Variants in FSIP2 observed in about 807,000 individuals in gnomAD.
The protein encoded by FSIP2 is fibrous sheath interacting protein 2.
A neutral mutation model predicts 510.5 loss-of-function variants in FSIP2; 367 were observed. That is an observed-to-expected ratio of 0.72 (90% CI 0.66 to 0.78). FSIP2 has a LOEUF of 0.78. Among genes scored for constraint, FSIP2 ranks in the 30% least tolerant of loss-of-function variants. FSIP2 has a pLI of 0.00. For synonymous variants in FSIP2, 2,601 were observed against 2,732.2 expected (o/e 0.95, Z 1.50); for missense variants, 7,594 against 7,901.7 (o/e 0.96, Z 1.48).
intron 14 of FSIP2, among the ~76,000 whole-genome samples, chr2:185,785,409 A>G (rs1559023415): frequency 6.6e-6 from 1 of 152,048 alleles, no homozygotes; most frequent in Non-Finnish European, 1.5e-5. Context: ...CTATTTCTCA[A>G]AATTGAATTA....
intron 17 of FSIP2, among the ~76,000 whole-genome samples, chr2:185,810,062 G>C (rs541544689): frequency 5.9e-5 from 9 of 152,132 alleles, no homozygotes; most frequent in Non-Finnish European, 1.3e-4. Flanking sequence ...AATTAGCAAA[G>C]TTTTATAGAA....
At position 185,794,746 on chromosome 2, in the gene FSIP2, G is replaced by A. The variant is rs1693227826; in HGVS notation, c.7610G>A (p.Ser2537Asn). ...QKNSFQSHIN[S>N]VANDIVESVL... ...AACAGTTTTCAATCACATATTAACA[G>A]TGTAGCAAATGACATAGTTGAAAGT... Residue 2537 changes from serine (S) to asparagine (N), a missense_variant, in exon 16 of 23, where the codon AGT becomes AAT. Physicochemically the swap from Ser to Asn is conservative, Grantham distance 46. Transcript: ENST00000424728. 1 of 1,534,002 alleles carries A rather than the reference G, an allele frequency of 6.5e-7. No individual in the cohort carries two copies. The highest frequency in any genetic ancestry group is 8.7e-7 in the Non-Finnish European group (1 of 1,145,442).
Position 185,801,205 on chromosome 2 carries a change from T to C in FSIP2, c.11899T>C (p.Tyr3967His), listed in dbSNP as rs1238007837. Residue 3967 changes from tyrosine to histidine, a missense_variant, in exon 17 of 23, where the codon TAT becomes CAT. Transcript: ENST00000424728. ...TAATAAGCTACATCAGGAAGGTATA[T>C]ATGCTGGTGTTTATTCAGCCACATT... ...IHNKLHQEGI[Y>H]AGVYSATFLE... 3.9e-6 allele frequency: 6 copies of C among 1,534,154 alleles called. No individual in the cohort carries two copies. Among genetic ancestry groups the C allele is most frequent in the South Asian group, 3.6e-5 (3 of 84,030 alleles).
intron 11 of FSIP2, 24 bp from the exon 12 acceptor site, chr2:185,763,159 T>A: frequency 9.8e-7 from 1 of 1,019,076 alleles, no homozygotes. Context: ...TTCTCATATT[T>A]AAAGTTATCT....
Position 185,792,295 on chromosome 2 carries a change from G to A in FSIP2, c.5159G>A (p.Gly1720Glu). The A allele has an allele frequency of 3.3e-6, 5 of 1,531,348 alleles. No homozygotes were observed. The highest frequency in any genetic ancestry group is 2.4e-5 in the East Asian group (1 of 40,818). The allele number at this position is 1,531,348 out of a possible 1,614,324, so 94.9% of individuals were successfully genotyped here. A position where few individuals can be genotyped will look rare whatever the true frequency, so the allele number is the denominator to read the frequency against. ...YRPTYGSLPG[G>E]AESDSFLEDD... is the part of the protein sequence containing the mutation. ...CCAACATATGGAAGTCTTCCTGGAG[G>A]AGCTGAATCAGATTCATTTCTAGAA... Residue 1720 changes from glycine to glutamate, a missense_variant, in exon 16 of 23, where the codon GGA becomes GAA. Transcript: ENST00000424728.
chr2:185,794,312 T>G lies in FSIP2; in HGVS notation c.7176T>G (p.Ile2392Met). The change falls in exon 16 of 23, where the codon ATT becomes ATG. Residue 2392 changes from isoleucine (I) to methionine (M), a missense_variant. By Grantham distance (10) the Ile-to-Met change is conservative (BLOSUM62 1). Transcript: ENST00000424728. ...LFQENIIVSE[I>M]VDSMLKMLDD... ...AAGAAAACATCATTGTGAGTGAAAT[T>G]GTTGACAGTATGTTAAAGATGTTAG... 2 of 1,523,414 alleles carry G rather than the reference T, an allele frequency of 1.3e-6. No homozygotes were observed. The highest frequency in any genetic ancestry group is 1.8e-6 in the Non-Finnish European group (2 of 1,140,548). 94.4% of individuals were successfully genotyped at this position (1,523,414 alleles called of 1,614,324 possible). A position where few individuals can be genotyped will look rare whatever the true frequency, so the allele number is the denominator to read the frequency against.
At chr2:185,755,137 C>G (rs191977590) in intron 8 of FSIP2, among the ~76,000 whole-genome samples, 78 of 151,572 alleles carry the variant, frequency 5.1e-4, no homozygotes, top group African/African-American at 1.8e-3. Flanking sequence ...TGTTGATAAC[C>G]CTAACTGGAA....
rs1693587543 is a variant in FSIP2, at chr2:185,806,633, A to C, written c.17327A>C (p.Glu5776Ala). 1.2e-6 allele frequency: 2 copies of C among 1,606,740 alleles called. No individual in the cohort carries two copies. The highest frequency in any genetic ancestry group is 1.7e-6 in the Non-Finnish European group (2 of 1,177,508). ...CCAGATGATCCTCAAAACCAACGAG[A>C]AAGTAAACCTGGAATTTTTCCCGCT... ...SKPDDPQNQR[E>A]SKPGIFPAKF... The change falls in exon 17 of 23, where the codon GAA (glutamate) becomes GCA (alanine). Residue 5776 changes from glutamate to alanine, a missense_variant. Glu to Ala is a moderately radical substitution (Grantham distance 107). Coordinates refer to ENST00000424728, the MANE Select transcript of FSIP2 (RefSeq NM_173651.4).
Position 185,788,658 on chromosome 2 carries a change from C to G in FSIP2, c.1522C>G (p.Leu508Val), listed in dbSNP as rs547550108. The stretch of plus-strand genomic sequence containing the variant: ...TCCTTTCCAGGTAACTTCTGAAGAA[C>G]TGAATATTATAATTCAGAATGTAAT... The part of the protein sequence containing the change: ...CLQEKVTSEE[L>V]NIIIQNVMTW... Residue 508 changes from leucine (L) to valine (V), a missense_variant, in exon 16 of 23, where the codon CTG becomes GTG. Leu to Val is a conservative substitution (Grantham distance 32, BLOSUM62 1). Coordinates refer to ENST00000424728, the MANE Select transcript of FSIP2 (RefSeq NM_173651.4). 1.3e-6 allele frequency: 2 copies of G among 1,504,656 alleles called. No homozygotes were observed. 93.2% of individuals were successfully genotyped at this position (1,504,656 alleles called of 1,614,324 possible). A position where few individuals can be genotyped will look rare whatever the true frequency, so the allele number is the denominator to read the frequency against.
chr2:185,786,107 G>GA (rs955409935), intron 14 of FSIP2, 145 bp from the exon 15 acceptor site: 37 of 594,334 alleles, frequency 6.2e-5, no homozygotes, highest in Non-Finnish European at 9.7e-5. Context: ...AGGGGGGTTG[G>GA]AAAAAACAGT....
rs768481887 is a variant in FSIP2, at chr2:185,807,565, T to C, written c.18259T>C (p.Ser6087Pro). 31 of 1,612,226 alleles carry C rather than the reference T, an allele frequency of 1.9e-5. No individual in the cohort carries two copies. Among genetic ancestry groups the C allele is most frequent in the Non-Finnish European group, 2.6e-5 (31 of 1,179,004 alleles). ...DDEIIQLVVQ[S>P]VYNNLLPQFG... ...TGAAATTATTCAATTAGTGGTTCAG[T>C]CTGTTTATAATAATCTCTTGCCACA... is the stretch of plus-strand genomic sequence containing the variant. Residue 6087 changes from serine (S) to proline (P), a missense_variant, in exon 17 of 23, where the codon TCT becomes CCT. Coordinates refer to ENST00000424728, the MANE Select transcript of FSIP2 (RefSeq NM_173651.4).
Position 185,792,893 on chromosome 2 carries a change from T to C in FSIP2, c.5757T>C (p.Asp1919=). Reference sequence around the variant, plus strand: ...AGACAAAGGTAAATCTAGCTGAAGATATTGTACAGGCAATATTAACAAATT... The same window carrying C: ...AGACAAAGGTAAATCTAGCTGAAGACATTGTACAGGCAATATTAACAAATT... ...DKETKVNLAE[D]IVQAILTNLE... is the part of the protein sequence containing the mutation. The change falls in exon 16 of 23, where the codon GAT becomes GAC. Residue 1919 remains aspartate, a synonymous_variant. Transcript: ENST00000424728. The C allele has an allele frequency of 6.5e-7, 1 of 1,534,298 alleles. No homozygotes were observed. The highest frequency in any genetic ancestry group is 2.0e-5 in the Admixed American group (1 of 50,878).
chr2:185,760,192 CTCTCTTT>C (rs1216680172), intron 9 of FSIP2, among the ~76,000 whole-genome samples: 1 of 31,696 alleles, frequency 3.2e-5, no homozygotes, highest in Non-Finnish European at 6.9e-5. Context: ...CATTCTTTCT[CTCTCTTT>C]TTATGTTTTT....
chr2:185,766,323 T>G (rs1309896948), intron 13 of FSIP2: 3 of 150,446 alleles, frequency 2.0e-5, no homozygotes, highest in Admixed American at 6.6e-5. Flanking sequence ...AAATGGGATC[T>G]AATTAAACTA....
At chr2:185,753,347 T>C (rs1003191118) in intron 7 of FSIP2, among the ~76,000 whole-genome samples, 2 of 151,404 alleles carry the variant, frequency 1.3e-5, no homozygotes, top group Admixed American at 6.6e-5. Context: ...TCACATTTTA[T>C]GTACTATATT....
At position 185,794,147 on chromosome 2, in the gene FSIP2, T is replaced by G; in HGVS notation, c.7011T>G (p.Leu2337=). The part of the protein sequence containing the change: ...DFTFVGRREK[L]GSTIHLSQAR... Reference sequence around the variant, plus strand: ...CTTTTGTTGGTCGCAGAGAAAAACTTGGATCCACAATTCACCTATCGCAAG... The same window carrying G: ...CTTTTGTTGGTCGCAGAGAAAAACTGGGATCCACAATTCACCTATCGCAAG... The change falls in exon 16 of 23, where the codon CTT becomes CTG. Residue 2337 remains leucine, a synonymous_variant. Transcript: ENST00000424728. 1.3e-6 allele frequency: 2 copies of G among 1,533,258 alleles called. No individual in the cohort carries two copies. Among genetic ancestry groups the G allele is most frequent in the South Asian group, 2.4e-5 (2 of 83,658 alleles). 95.0% of individuals were successfully genotyped at this position (1,533,258 alleles called of 1,614,324 possible).
rs754448125 is a variant in FSIP2, at chr2:185,807,635, G to A, written c.18329G>A (p.Cys6110Tyr). The A allele has an allele frequency of 6.2e-7, 1 of 1,612,940 alleles. No homozygotes were observed. Among genetic ancestry groups the A allele is most frequent in the South Asian group, 1.1e-5 (1 of 91,050 alleles). The change falls in exon 17 of 23, where the codon TGC becomes TAC. Residue 6110 changes from cysteine to tyrosine, a missense_variant. Transcript: ENST00000424728. ...ATACAAAATTGTGTAACCAGTGGAT[G>A]CAAAATCCTTTCAGAAAACATAGTT... ...EIIQNCVTSG[C>Y]KILSENIVDL...
At chr2:185,816,162 G>A (rs1269596768) in intron 19 of FSIP2, among the ~76,000 whole-genome samples, 1 of 150,494 alleles carries the variant, frequency 6.6e-6, no homozygotes, top group Non-Finnish European at 1.5e-5. Flanking sequence ...TTTTTATTTG[G>A]GGAGAAGTAC....
At position 185,802,819 on chromosome 2, in the gene FSIP2, A is replaced by T; in HGVS notation, c.13513A>T (p.Ile4505Phe). ...KDISRVNFNDIASNLVSDIRM... is the reference protein window; with the variant it reads ...KDISRVNFNDFASNLVSDIRM... Reference sequence around the variant, plus strand: ...TATATCAAGAGTGAATTTCAATGACATTGCTTCAAACCTAGTTAGTGATAT... The same window carrying T: ...TATATCAAGAGTGAATTTCAATGACTTTGCTTCAAACCTAGTTAGTGATAT... The change falls in exon 17 of 23, where the codon ATT (isoleucine) becomes TTT (phenylalanine). Residue 4505 changes from isoleucine to phenylalanine, a missense_variant. Transcript: ENST00000424728. 1 of 1,521,468 alleles carries T rather than the reference A, an allele frequency of 6.6e-7. No individual in the cohort carries two copies. Among genetic ancestry groups the T allele is most frequent in the Non-Finnish European group, 8.8e-7 (1 of 1,141,244 alleles). The allele number at this position is 1,521,468 out of a possible 1,614,324, so 94.2% of individuals were successfully genotyped here.
Sources: gnomAD v4.1 joint callset for allele counts (sites outside exome capture counted in the v4.1 genomes callset) on GRCh38, gnomAD v4.1.1 for gene constraint, MANE v1.5 for transcripts, NCBI Gene and HGNC (gene_info 2026-07-23, HGNC 2026-07-21) for gene names.